The following IQCH variants were observed in gnomAD, a reference collection of about 807,000 sequenced individuals.
IQCH encodes IQ domain-containing protein H.
In IQCH, 98 loss-of-function variants were observed where a neutral mutation model predicts 117.0. The ratio of observed to expected loss-of-function variants is 0.84; its 90% CI spans 0.71 to 0.99. IQCH has a LOEUF of 0.99. Among genes scored for constraint, IQCH ranks in the 50% least tolerant of loss-of-function variants. The pLI is 0.00. For missense variants in IQCH, 1,102 were observed against 1,243.8 expected (o/e 0.89, Z 1.72); for synonymous variants, 412 against 448.2 (o/e 0.92, Z 1.02).
rs1171017849 is a variant in IQCH at position 67,421,509 on chromosome 15, A to T, written c.2437A>T (p.Arg813Ter). 1 of 1,614,190 alleles carries T rather than the reference A, an allele frequency of 6.2e-7. No homozygotes were observed. Among genetic ancestry groups the T allele is most frequent in the Non-Finnish European group, 8.5e-7 (1 of 1,180,022 alleles). ...CLQIGKACRMRDVVGYFSIDL... is the reference protein window; with the variant it reads ...CLQIGKACRM ...CCAAATTGGAAAAGCCTGCAGAATG[A>T]GAGATGTGGTTGGTTACTTTTCGAT... Residue 813 changes from arginine (R) to a stop codon, truncating the protein, a stop_gained, in exon 16 of 21, where the codon AGA becomes TGA. Transcript: ENST00000335894. LOFTEE classifies it high-confidence loss of function.
At position 67,395,560 on chromosome 15, in the gene IQCH, A is replaced by C; in HGVS notation, c.1902A>C (p.Gln634His). ...GAATATATGATATTTATAGTCAGCA[A>C]CAGGTATGTGGGGTGGACAAGTGAA... ...PPGIYDIYSQQQMIEQLSQLI... is the reference protein window; with the variant it reads ...PPGIYDIYSQHQMIEQLSQLI... The change falls in exon 13 of 21, where the codon CAA (glutamine) becomes CAC (histidine). Residue 634 changes from glutamine (Q) to histidine (H), a missense_variant. Gln to His is a conservative substitution (Grantham distance 24). Coordinates refer to ENST00000335894, the MANE Select transcript of IQCH (RefSeq NM_001031715.3). The surrounding 1 kb of genome is among the most constrained non-coding windows in gnomAD (Gnocchi z 4.0). The C allele has an allele frequency of 1.9e-6, 3 of 1,613,826 alleles. No individual in the cohort carries two copies. In the South Asian group the frequency reaches 3.3e-5, roughly 18 times the overall value.
In IQCH at chr15:67,386,972, G is replaced by GA. The variant is rs1448495596; in HGVS notation, c.1457-1852dup. Among the ~76,000 whole-genome samples, 1 of 151,810 alleles carries GA rather than the reference G, an allele frequency of 6.6e-6. No individual in the cohort carries two copies. The highest frequency in any genetic ancestry group is 2.4e-5 in the African/African-American group (1 of 41,294). On this transcript the variant is annotated intron_variant, in intron 11 of 20. Transcript: ENST00000335894. The surrounding 1 kb of genome is among the most constrained non-coding windows in gnomAD (Gnocchi z 5.0). Reference sequence around the variant, plus strand: ...TGTAACCTAGAAATTTTCTTCCCAAGAAAAAAATTATTTTTCATCTGTTAC... The same window carrying GA: ...TGTAACCTAGAAATTTTCTTCCCAAGAAAAAAAATTATTTTTCATCTGTTAC...
At chr15:67,462,244 C>T (rs979002599) in intron 16 of IQCH, among the ~76,000 whole-genome samples, 1 of 151,592 alleles carries the variant, frequency 6.6e-6, no homozygotes, top group African/African-American at 2.4e-5. Flanking sequence ...CTGGCCAAGA[C>T]GGTGAAACCC....
chr15:67,372,258 C>T lies in IQCH; in HGVS notation c.901C>T (p.Leu301Phe), dbSNP rs2140789127. ...FSLAWGGIFS[L>F]LEHVEKFLRN... Reference sequence around the variant, plus strand: ...CTTAGCTTGGGGAGGTATTTTTTCTCTCTTGGAACACGTCGAGAAGTTTCT... The same window carrying T: ...CTTAGCTTGGGGAGGTATTTTTTCTTTCTTGGAACACGTCGAGAAGTTTCT... The change falls in exon 9 of 21, where the codon CTC becomes TTC. Residue 301 changes from leucine (L) to phenylalanine (F), a missense_variant. Physicochemically the swap from Leu to Phe is conservative, Grantham distance 22 (BLOSUM62 0). This residue lies in a region of IQCH where 452 missense variants were observed against 449.6 expected (regional missense o/e 1.01). Transcript: ENST00000335894. 3 of 1,614,042 alleles carry T rather than the reference C, an allele frequency of 1.9e-6. No individual in the cohort carries two copies. The East Asian group carries it at 6.7e-5, about 36-fold the overall frequency.
rs897401119 is a variant in IQCH at position 67,496,783 on chromosome 15, C to T, written c.2970+2417C>T. On this transcript the variant is annotated intron_variant, in intron 20 of 20. Transcript: ENST00000335894. The surrounding 1 kb of genome is among the most constrained non-coding windows in gnomAD (Gnocchi z 4.4). ...CCTGTAATCCCAGCACTTTGGGAGG[C>T]CGAGGCTGGTGGATCATGAGGTCAG... Among the ~76,000 whole-genome samples the T allele has an allele frequency of 3.4e-4, 51 of 151,878 alleles. No homozygotes were observed. Among genetic ancestry groups the T allele is most frequent in the Non-Finnish European group, 8.8e-5 (6 of 67,964 alleles).
In IQCH at chr15:67,411,712, T is replaced by A. The variant is rs74020183; in HGVS notation, c.2098-5219T>A. 0.013 allele frequency among the ~76,000 whole-genome samples: 2,014 copies of A among 152,090 alleles called. 53 individuals are homozygous for A. Among genetic ancestry groups the A allele is most frequent in the African/African-American group, 0.046 (1,912 of 41,456 alleles). Reference sequence around the variant, plus strand: ...GGTTGGGGAAGCTAACTCTGTAGAGTTTGAAGTAGCTTTAGTCATTGAGTG... The same window carrying A: ...GGTTGGGGAAGCTAACTCTGTAGAGATTGAAGTAGCTTTAGTCATTGAGTG... On this transcript the variant is annotated intron_variant, in intron 14 of 20. Transcript: ENST00000335894. The surrounding 1 kb of genome is among the most constrained non-coding windows in gnomAD (Gnocchi z 4.4).
chr15:67,329,666 A>G (rs1186893040), intron 4 of IQCH, among the ~76,000 whole-genome samples: 3 of 151,954 alleles, frequency 2.0e-5, no homozygotes, highest in Non-Finnish European at 2.9e-5. Context: ...CCTGGATCTC[A>G]CTATGTGGCT....
At chr15:67,263,263 A>G in intron 3 of IQCH, 47 bp downstream of exon 3, 1 of 969,700 alleles carries the variant, frequency 1.0e-6, no homozygotes, top group Non-Finnish European at 1.6e-6. Context: ...AAATTGAGAA[A>G]TAACTTTTCT....
intron 4 of IQCH, among the ~76,000 whole-genome samples, chr15:67,323,436 G>T (rs1457062049): frequency 6.6e-6 from 1 of 151,684 alleles, no homozygotes; most frequent in Non-Finnish European, 1.5e-5. Flanking sequence ...TGAAGACGGG[G>T]TTTCACCGTG....
At chr15:67,268,856 G>T (rs1003643102) in intron 3 of IQCH, among the ~76,000 whole-genome samples, 3 of 152,070 alleles carry the variant, frequency 2.0e-5, no homozygotes, top group Admixed American at 1.3e-4. Flanking sequence ...AGGGGCATTC[G>T]CATGCTCACT....
At chr15:67,288,914 G>A (rs570076891) in intron 4 of IQCH, among the ~76,000 whole-genome samples, 9 of 152,206 alleles carry the variant, frequency 5.9e-5, no homozygotes, top group East Asian at 1.9e-4. Context: ...TCAGGGATGC[G>A]AGAGGCTTTA....
chr15:67,478,744 T>C (rs2083272029), intron 18 of IQCH, among the ~76,000 whole-genome samples: 1 of 151,794 alleles, frequency 6.6e-6, no homozygotes, highest in South Asian at 2.1e-4. Flanking sequence ...GCCAACATGG[T>C]GAAACCCCGT....
intron 18 of IQCH, among the ~76,000 whole-genome samples, chr15:67,477,041 C>CTTTTT (rs2083218852): frequency 1.6e-5 from 2 of 121,558 alleles, no homozygotes; most frequent in Admixed American, 8.7e-5. Context: ...TTTTCTTTTT[C>CTTTTT]TTCTTTTTTT....
At chr15:67,279,359 CAAATTTG>C (rs1365446052) in intron 3 of IQCH, 29 bp from the exon 4 acceptor site, 1 of 1,146,636 alleles carries the variant, frequency 8.7e-7, no homozygotes. Context: ...TTTAAAATAG[CAAATTTG>C]ATTTTAAATT....
chr15:67,429,223 T>C (rs886625575), intron 16 of IQCH, among the ~76,000 whole-genome samples: 2 of 152,202 alleles, frequency 1.3e-5, no homozygotes, highest in Non-Finnish European at 2.9e-5. Flanking sequence ...AAAGTAAACA[T>C]GTATTATAGT....
At chr15:67,362,391 G>C (rs1970174445) in intron 8 of IQCH, among the ~76,000 whole-genome samples, 1 of 152,060 alleles carries the variant, frequency 6.6e-6, no homozygotes, top group Non-Finnish European at 1.5e-5. Flanking sequence ...AGAAAGAATG[G>C]GTTTGGGTGA....
chr15:67,400,084 T>C, intron 13 of IQCH, 30 bp from the exon 14 acceptor site: 1 of 1,593,870 alleles, frequency 6.3e-7, no homozygotes, highest in Non-Finnish European at 8.6e-7. Flanking sequence ...ATGAACTGTA[T>C]TAAATGCAGC....
intron 10 of IQCH, among the ~76,000 whole-genome samples, chr15:67,379,876 G>A (rs2140814297): frequency 6.6e-6 from 1 of 151,768 alleles, no homozygotes; most frequent in Admixed American, 6.6e-5. Context: ...TTTTGAGATG[G>A]AATTTCACTC....
At chr15:67,410,859 C>T (rs759122615) in intron 14 of IQCH, among the ~76,000 whole-genome samples, 1 of 152,208 alleles carries the variant, frequency 6.6e-6, no homozygotes, top group African/African-American at 2.4e-5. Context: ...AGACTGAGCA[C>T]TTGTGCCTTG....
Sources: allele counts gnomAD v4.1 joint callset (sites outside exome capture counted in the v4.1 genomes callset), GRCh38; gene constraint gnomAD v4.1.1; regional missense constraint gnomAD v4.1.1; non-coding constraint Gnocchi (gnomAD v3.1); transcripts MANE v1.5; gene names NCBI Gene and HGNC (gene_info 2026-07-23, HGNC 2026-07-21).